Variants in SLC4A8 observed in about 807,000 individuals in gnomAD.
SLC4A8 encodes solute carrier family 4 member 8, also known as electroneutral sodium bicarbonate exchanger 1.
In SLC4A8, 40 loss-of-function variants were observed where a neutral mutation model predicts 125.0. The observed-to-expected ratio is 0.32, with a 90% CI of 0.25 to 0.42. SLC4A8 has a LOEUF of 0.42. Ranked by LOEUF, SLC4A8 falls within the 10% of genes least tolerant of loss-of-function variation. The probability of loss-of-function intolerance (pLI) is 1.00; values close to 1 mark genes in which losing one functional copy is unlikely to be tolerated. For synonymous variants in SLC4A8, 456 were observed against 476.0 expected, an observed-to-expected ratio of 0.96 and a Z score of 0.55; for missense variants, 863 against 1,355.1, an observed-to-expected ratio of 0.64 and a Z score of 5.70.
chr12:51,408,669 C>T (rs575237581), intron 1 of SLC4A8, among the ~76,000 whole-genome samples: 16 of 152,240 alleles, frequency 1.1e-4, no homozygotes, highest in Non-Finnish European at 1.9e-4. Flanking sequence ...CTTGGTGACC[C>T]GAGGCTGCCC....
At chr12:51,436,761 G>A (rs1304300218) in intron 1 of SLC4A8, among the ~76,000 whole-genome samples, 1 of 152,092 alleles carries the variant, frequency 6.6e-6, no homozygotes, top group Non-Finnish European at 1.5e-5. Flanking sequence ...CAAGTAGCTG[G>A]GATTATAGGC....
intron 15 of SLC4A8, 73 bp downstream of exon 15, chr12:51,474,520 G>A (rs772294389): frequency 6.5e-7 from 1 of 1,543,322 alleles, no homozygotes. Flanking sequence ...GTGAAGGGGA[G>A]GAGTAGCCCT....
In SLC4A8 at chr12:51,452,117, T is replaced by A. The variant is rs1460209796; in HGVS notation, c.278-7T>A. 1 of 1,614,166 alleles carries A rather than the reference T, an allele frequency of 6.2e-7. No individual in the cohort carries two copies. Among genetic ancestry groups the A allele is most frequent in the Non-Finnish European group, 8.5e-7 (1 of 1,179,990 alleles). Reference sequence around the variant, plus strand: ...GAGCAGACCTTTCTCTTTGGTTGATTTCCTAGACACACCATCTCAGCGTGT... The same window carrying A: ...GAGCAGACCTTTCTCTTTGGTTGATATCCTAGACACACCATCTCAGCGTGT... On this transcript the variant is annotated splice_polypyrimidine_tract_variant and splice_region_variant and intron_variant, in intron 3 of 24. Coordinates refer to ENST00000453097, the MANE Select transcript of SLC4A8 (RefSeq NM_001039960.3).
chr12:51,420,883 G>A (rs754263921), upstream of SLC4A8, among the ~76,000 whole-genome samples: 1 of 152,110 alleles, frequency 6.6e-6, no homozygotes, highest in Non-Finnish European at 1.5e-5. Flanking sequence ...CTGGCTGTGT[G>A]CCCTGGGGAA....
At chr12:51,453,419 G>C in intron 4 of SLC4A8, 120 bp from the exon 5 acceptor site, 1 of 1,005,822 alleles carries the variant, frequency 9.9e-7, no homozygotes, top group Non-Finnish European at 1.5e-6. Flanking sequence ...ATACAGATTA[G>C]ATTTTACAAT....
chr12:51,453,752 T>A (rs1304669647), intron 5 of SLC4A8, 53 bp downstream of exon 5: 1 of 1,562,652 alleles, frequency 6.4e-7, no homozygotes, highest in Non-Finnish European at 8.7e-7. Context: ...TTAAGAAGTG[T>A]GGGAAAAAAG....
intron 16 of SLC4A8, among the ~76,000 whole-genome samples, chr12:51,476,352 A>T (rs1263592399): frequency 6.6e-6 from 1 of 152,110 alleles, no homozygotes; most frequent in African/African-American, 2.4e-5. Flanking sequence ...ATGGTAGCAC[A>T]TGCCTGTAAT....
intron 21 of SLC4A8, among the ~76,000 whole-genome samples, chr12:51,495,935 G>T (rs1951449233): frequency 6.6e-6 from 1 of 152,142 alleles, no homozygotes; most frequent in African/African-American, 2.4e-5. Context: ...TGATACTGTT[G>T]TAAATATGGG....
chr12:51,442,413 A>G (rs1444637426), intron 2 of SLC4A8, among the ~76,000 whole-genome samples: 1 of 152,218 alleles, frequency 6.6e-6, no homozygotes, highest in East Asian at 1.9e-4. Context: ...GTAACCATTT[A>G]TGAACACTCT....
intron 22 of SLC4A8, chr12:51,497,394 T>C: frequency 3.1e-6 from 1 of 325,104 alleles, no homozygotes. Context: ...CAGTATGCCC[T>C]TATTAGCAGA....
intron 17 of SLC4A8, among the ~76,000 whole-genome samples, chr12:51,487,980 A>G (rs1045637550): frequency 1.3e-5 from 2 of 152,256 alleles, no homozygotes; most frequent in Non-Finnish European, 2.9e-5. Context: ...TTTTTTGACA[A>G]CAGATACAGT....
chr12:51,439,738 G>C (rs1010298344), intron 1 of SLC4A8, among the ~76,000 whole-genome samples: 1 of 152,112 alleles, frequency 6.6e-6, no homozygotes, highest in South Asian at 2.1e-4. Flanking sequence ...TAAGAAAAGG[G>C]AACTAGCTAC....
At chr12:51,416,055 C>T (rs960075942) in intron 1 of SLC4A8, among the ~76,000 whole-genome samples, 3 of 151,522 alleles carry the variant, frequency 2.0e-5, no homozygotes, top group Non-Finnish European at 4.4e-5. Flanking sequence ...TTTGCTCATT[C>T]TTTTATCTTT....
At chr12:51,451,302 T>C (rs943685923) in intron 3 of SLC4A8, among the ~76,000 whole-genome samples, 1 of 152,218 alleles carries the variant, frequency 6.6e-6, no homozygotes, top group African/African-American at 2.4e-5. Flanking sequence ...CTGGACGGTC[T>C]GGATCTCCTG....
At chr12:51,419,858 G>A (rs1948749835), upstream of SLC4A8, among the ~76,000 whole-genome samples, 1 of 152,220 alleles carries the variant, frequency 6.6e-6, no homozygotes, top group African/African-American at 2.4e-5. Flanking sequence ...GGATGATGTT[G>A]ATGATGACGA....
At chr12:51,462,617 G>T (rs902467944) in intron 10 of SLC4A8, 161 bp downstream of exon 10, 5 of 546,812 alleles carry the variant, frequency 9.1e-6, no homozygotes, top group East Asian at 3.5e-5. Flanking sequence ...TCTGGGCTGG[G>T]TGTGGTGGCT....
intron 1 of SLC4A8, among the ~76,000 whole-genome samples, chr12:51,397,263 C>T (rs1449585494): frequency 3.3e-5 from 5 of 152,184 alleles, no homozygotes; most frequent in Non-Finnish European, 7.3e-5. Flanking sequence ...TTAAGATCAT[C>T]ACTTGGTCAA....
In SLC4A8 at chr12:51,485,844, A is replaced by C; in HGVS notation, c.2230A>C (p.Ile744Leu). ...CCTCACTATCTTCACAATGGTGATT[A>C]TTGATTTTTTGATTGGAGTCCCATC... ...VFLTIFTMVI[I>L]DFLIGVPSPK... is the part of the protein sequence containing the mutation. The change falls in exon 17 of 25, where the codon ATT becomes CTT. Residue 744 changes from isoleucine to leucine, a missense_variant. Physicochemically the swap from Ile to Leu is conservative, Grantham distance 5. Around this residue, in one of 6 missense-constraint regions of SLC4A8, gnomAD observed 197 missense variants for 377.7 expected, o/e 0.52. Transcript: ENST00000453097. The C allele has an allele frequency of 1.2e-6, 2 of 1,613,778 alleles. No individual in the cohort carries two copies. The highest frequency in any genetic ancestry group is 1.7e-6 in the Non-Finnish European group (2 of 1,179,708).
chr12:51,400,785 TAC>T (rs869278660), intron 1 of SLC4A8, among the ~76,000 whole-genome samples: 1 of 11,162 alleles, frequency 9.0e-5, no homozygotes, highest in African/African-American at 5.1e-4. Context: ...TATACATACA[TAC>T]ACACACACAC....
Sources: gnomAD v4.1 joint callset for allele counts (sites outside exome capture counted in the v4.1 genomes callset) on GRCh38, gnomAD v4.1.1 for gene constraint, gnomAD v4.1.1 regional missense constraint, MANE v1.5 for transcripts, NCBI Gene and HGNC (gene_info 2026-07-23, HGNC 2026-07-21) for gene names.